The following ZNF568 variants were observed in gnomAD, a reference collection of about 807,000 sequenced individuals.
The protein encoded by ZNF568 is p53 inhibitor of SCO2 activation.
A neutral mutation model predicts 18.1 loss-of-function variants in ZNF568; 11 were observed. The ratio of observed to expected loss-of-function variants is 0.61; its 90% CI spans 0.38 to 1.00. The LOEUF (loss-of-function observed/expected upper bound fraction) is 1.00, where lower values mean the gene tolerates loss of function less well. Among genes scored for constraint, ZNF568 ranks in the 50% least tolerant of loss-of-function variants. The pLI is 0.01. For synonymous variants in ZNF568, 213 were observed against 246.6 expected, an observed-to-expected ratio of 0.86 and a Z score of 1.28; for missense variants, 639 against 768.2, an observed-to-expected ratio of 0.83 and a Z score of 1.99.
chr19:36,972,875 G>A (rs1485761788), intron 6 of ZNF568, among the ~76,000 whole-genome samples: 1 of 152,228 alleles, frequency 6.6e-6, no homozygotes, highest in Non-Finnish European at 1.5e-5. Flanking sequence ...CGCGGACTCT[G>A]GAAGCCCTGG....
chr19:36,949,227 A>C (rs2074016893), intron 6 of ZNF568, among the ~76,000 whole-genome samples: 1 of 152,032 alleles, frequency 6.6e-6, no homozygotes, highest in Non-Finnish European at 1.5e-5. Flanking sequence ...TTTCATTTTA[A>C]TTATTCTATT....
chr19:36,937,301 G>C (rs1036224020), intron 6 of ZNF568, 59 bp downstream of exon 6: 68 of 1,392,174 alleles, frequency 4.9e-5, no homozygotes, highest in Admixed American at 8.2e-5. Context: ...TTCAGTGAAG[G>C]GTTGATATCA....
chr19:36,945,112 T>G (rs2073941004), intron 6 of ZNF568, among the ~76,000 whole-genome samples: 1 of 152,080 alleles, frequency 6.6e-6, no homozygotes, highest in Admixed American at 6.6e-5. Context: ...AAGTCATGGT[T>G]TCAGTACATG....
At position 36,950,433 on chromosome 19, in the gene ZNF568, T is replaced by C; in HGVS notation, c.1280T>C (p.Phe427Ser). The change falls in exon 7 of 7, where the codon TTC becomes TCC. Residue 427 changes from phenylalanine (F) to serine (S), a missense_variant. Phe to Ser is a radical substitution (Grantham distance 155). Transcript: ENST00000333987. The part of the protein sequence containing the change: ...PYVCSECGKA[F>S]SQSSSLTVHM... Reference sequence around the variant, plus strand: ...GTATGTAGTGAATGTGGGAAAGCCTTCTCTCAGAGTTCATCCCTAACCGTA... The same window carrying C: ...GTATGTAGTGAATGTGGGAAAGCCTCCTCTCAGAGTTCATCCCTAACCGTA... The C allele has an allele frequency of 1.9e-6, 3 of 1,613,216 alleles. No individual in the cohort carries two copies. The highest frequency in any genetic ancestry group is 2.2e-5 in the East Asian group (1 of 44,844).
chr19:36,923,021 T>C (rs959378799), intron 3 of ZNF568, among the ~76,000 whole-genome samples, 175 bp downstream of exon 3: 3 of 127,008 alleles, frequency 2.4e-5, no homozygotes, highest in African/African-American at 6.5e-5. Flanking sequence ...AAAATAAATT[T>C]TGAAATGCAA....
rs1471451153 is a variant in ZNF568, at chr19:36,969,965, G to A, written c.359-4455G>A. On this transcript the variant is annotated intron_variant, in intron 6 of 7. Transcript: ENST00000427117. The stretch of plus-strand genomic sequence containing the variant: ...TTTAGTAGAGACTGGGTTTCACCAC[G>A]TTGTCCAGGCTGATCTCAAACTCCT... 1.7e-5 allele frequency among the ~76,000 whole-genome samples: 2 copies of A among 120,878 alleles called. 1 individual carries two copies. Among genetic ancestry groups the A allele is most frequent in the African/African-American group, 6.6e-5 (2 of 30,346 alleles). 79.3% of individuals were successfully genotyped at this position (120,878 alleles called of 152,430 possible). A position where few individuals can be genotyped will look rare whatever the true frequency, so the allele number is the denominator to read the frequency against.
chr19:36,981,146 G>A (rs1420971395), downstream of ZNF568, among the ~76,000 whole-genome samples: 1 of 152,132 alleles, frequency 6.6e-6, no homozygotes, highest in African/African-American at 2.4e-5. Flanking sequence ...GTTTCCCTAT[G>A]TATATGTTTG....
intron 4 of ZNF568, among the ~76,000 whole-genome samples, chr19:36,994,608 C>G (rs1171940759): frequency 6.6e-6 from 1 of 152,136 alleles, no homozygotes; most frequent in Non-Finnish European, 1.5e-5. Flanking sequence ...ACAACTGTTA[C>G]AGTTTTCTGA....
chr19:36,935,421 G>T (rs1443858384), intron 4 of ZNF568, among the ~76,000 whole-genome samples: 2 of 151,954 alleles, frequency 1.3e-5, no homozygotes, highest in Non-Finnish European at 2.9e-5. Flanking sequence ...TTAGCCGGGT[G>T]CGGTGGCAGG....
chr19:36,969,182 T>C (rs144295281), intron 6 of ZNF568, among the ~76,000 whole-genome samples: 74 of 151,832 alleles, frequency 4.9e-4, no homozygotes, highest in African/African-American at 1.7e-3. Context: ...TAGTATTCTT[T>C]CAATGCTTCT....
At chr19:36,926,407 G>A (rs918216029) in intron 4 of ZNF568, among the ~76,000 whole-genome samples, 13 of 151,960 alleles carry the variant, frequency 8.6e-5, no homozygotes, top group African/African-American at 2.4e-4. Context: ...TTCTGTTGGC[G>A]CGGTGGCCCT....
At chr19:36,932,692 A>G (rs2073707668) in intron 4 of ZNF568, among the ~76,000 whole-genome samples, 1 of 152,148 alleles carries the variant, frequency 6.6e-6, no homozygotes, top group Non-Finnish European at 1.5e-5. Flanking sequence ...CTCCATCAGC[A>G]CTTGTTCTTA....
intron 2 of ZNF568, among the ~76,000 whole-genome samples, chr19:36,921,987 C>T (rs2073464670): frequency 6.6e-6 from 1 of 152,080 alleles, no homozygotes; most frequent in African/African-American, 2.4e-5. Flanking sequence ...TTGGTTTATG[C>T]CTCTGGTCAG....
intron 2 of ZNF568, among the ~76,000 whole-genome samples, chr19:36,988,783 T>C (rs2074398559): frequency 6.6e-6 from 1 of 152,184 alleles, no homozygotes; most frequent in African/African-American, 2.4e-5. Flanking sequence ...CATATCTATG[T>C]GGTATAATGA....
intron 6 of ZNF568, among the ~76,000 whole-genome samples, chr19:36,969,856 G>A (rs1362289966): frequency 2.7e-5 from 2 of 74,592 alleles, no homozygotes; most frequent in African/African-American, 1.2e-4. Context: ...GTGCAGTGGC[G>A]AGATCTTGGC....
At chr19:36,975,154 T>TTC (rs761925831) in intron 7 of ZNF568, among the ~76,000 whole-genome samples, 5 of 136,192 alleles carry the variant, frequency 3.7e-5, no homozygotes, top group Admixed American at 1.5e-4. Flanking sequence ...CTTTCTTTCT[T>TTC]TTTTTTTTTT....
At chr19:36,936,688 T>G (rs1307451377) in intron 4 of ZNF568, 58 bp from the exon 5 acceptor site, 2 of 1,565,740 alleles carry the variant, frequency 1.3e-6, no homozygotes, top group Non-Finnish European at 1.7e-6. Flanking sequence ...TCTTGTATGT[T>G]GTGATCACAA....
At chr19:36,963,254 C>T (rs987227964) in intron 6 of ZNF568, among the ~76,000 whole-genome samples, 3 of 152,112 alleles carry the variant, frequency 2.0e-5, no homozygotes, top group East Asian at 1.9e-4. Flanking sequence ...TATGGAGATA[C>T]GAATTTTATG....
chr19:36,994,009 A>T, intron 4 of ZNF568, among the ~76,000 whole-genome samples: 3 of 135,888 alleles, frequency 2.2e-5, no homozygotes, highest in African/African-American at 2.8e-5. Context: ...TTGATTTGAG[A>T]TATCTCTGTT....
Sources: gnomAD v4.1 joint callset for allele counts (sites outside exome capture counted in the v4.1 genomes callset) on GRCh38, gnomAD v4.1.1 for gene constraint, MANE v1.5 for transcripts, NCBI Gene and HGNC (gene_info 2026-07-23, HGNC 2026-07-21) for gene names.